The following RSPRY1 variants were observed in gnomAD, a reference collection of about 807,000 sequenced individuals.
The protein encoded by RSPRY1 is RING finger and SPRY domain-containing protein 1.
A neutral mutation model predicts 73.1 loss-of-function variants in RSPRY1; 23 were observed. The observed-to-expected ratio is 0.31, with a 90% CI of 0.23 to 0.45. RSPRY1 has a LOEUF of 0.45. Ranked by LOEUF, RSPRY1 falls within the 20% of genes least tolerant of loss-of-function variation. The pLI is 1.00. For missense variants in RSPRY1, 448 were observed against 698.7 expected, an observed-to-expected ratio of 0.64 and a Z score of 4.05; for synonymous variants, 226 against 251.4, an observed-to-expected ratio of 0.90 and a Z score of 0.95.
At chr16:57,197,809 G>A (rs1302536136) in intron 1 of RSPRY1, among the ~76,000 whole-genome samples, 1 of 151,968 alleles carries the variant, frequency 6.6e-6, no homozygotes, top group Non-Finnish European at 1.5e-5. Context: ...CTGCAGCCTC[G>A]ACCTCCCAGG....
Position 57,209,200 on chromosome 16 carries a change from T to A in RSPRY1, c.516+13T>A, listed in dbSNP as rs1234061849. The A allele has an allele frequency of 6.7e-7, 1 of 1,481,848 alleles. No homozygotes were observed. The highest frequency in any genetic ancestry group is 1.4e-5 in the African/African-American group (1 of 72,010). 91.8% of individuals were successfully genotyped at this position (1,481,848 alleles called of 1,614,324 possible). A position where few individuals can be genotyped will look rare whatever the true frequency, so the allele number is the denominator to read the frequency against. ...ATTGCCCACTAAAGTAAGTTAATACTTATCTTTTATGAAACTATCATTTGT... is the reference window on the plus strand; with the variant it reads ...ATTGCCCACTAAAGTAAGTTAATACATATCTTTTATGAAACTATCATTTGT... On this transcript the variant is annotated intron_variant, in intron 4 of 14. Coordinates refer to ENST00000394420, the MANE Select transcript of RSPRY1 (RefSeq NM_133368.3).
At chr16:57,231,455 T>C (rs1597928799) in intron 13 of RSPRY1, 136 bp downstream of exon 13, 1 of 835,262 alleles carries the variant, frequency 1.2e-6, no homozygotes, top group East Asian at 2.7e-5. Context: ...TTTCAGGAAA[T>C]ATAAATTTCT....
rs1378311688 is a variant in RSPRY1 at position 57,216,158 on chromosome 16, A to G, written c.754A>G (p.Lys252Glu). 1 of 1,612,246 alleles carries G rather than the reference A, an allele frequency of 6.2e-7. No homozygotes were observed. Among genetic ancestry groups the G allele is most frequent in the African/African-American group, 1.3e-5 (1 of 74,808 alleles). The change falls in exon 7 of 15, where the codon AAG (lysine) becomes GAG (glutamate). Residue 252 changes from lysine (K) to glutamate (E), a missense_variant. By Grantham distance (56) the Lys-to-Glu change is moderately conservative (BLOSUM62 1). Coordinates refer to ENST00000394420, the MANE Select transcript of RSPRY1 (RefSeq NM_133368.3). ...GCTTTTTGCACTTATCGCACTGGAA[A>G]AGTTTGCACAGACAAGTAGGTATAG... ...VMLFALIALE[K>E]FAQTSENKLT... is the part of the protein sequence containing the mutation.
intron 1 of RSPRY1, among the ~76,000 whole-genome samples, chr16:57,195,866 C>A (rs1284458892): frequency 1.3e-5 from 2 of 151,108 alleles, no homozygotes; most frequent in African/African-American, 4.9e-5. Context: ...ACTAAAAATA[C>A]AAAAAATTAG....
intron 1 of RSPRY1, among the ~76,000 whole-genome samples, chr16:57,187,855 A>G (rs1348687542): frequency 2.0e-5 from 3 of 152,126 alleles, no homozygotes; most frequent in African/African-American, 7.2e-5. Context: ...CAGAGTTTTC[A>G]TTTACTTTGA....
chr16:57,200,869 C>A, intron 1 of RSPRY1, among the ~76,000 whole-genome samples: 1 of 135,558 alleles, frequency 7.4e-6, no homozygotes, highest in Admixed American at 7.5e-5. Context: ...GGCGGCTGGC[C>A]GGGCAGAGGG....
intron 8 of RSPRY1, 68 bp downstream of exon 8, chr16:57,217,103 A>T: frequency 6.4e-7 from 1 of 1,569,862 alleles, no homozygotes; most frequent in South Asian, 1.1e-5. Context: ...TCATAGGCTC[A>T]CTGGTCTTCC....
Position 57,230,719 on chromosome 16 carries a change from G to T in RSPRY1, c.1282G>T (p.Val428Leu), listed in dbSNP as rs199611065. 8.7e-5 allele frequency: 137 copies of T among 1,576,156 alleles called. No individual in the cohort carries two copies. Among genetic ancestry groups the T allele is most frequent in the Non-Finnish European group, 8.7e-6 (10 of 1,147,120 alleles). ...IHPCWKEGDT[V>L]GFLLDLNEKQ... ...TTCTCTTTATCCTCTAGGAGATACA[G>T]TAGGATTTCTGTTAGACTTGAATGA... Residue 428 changes from valine (V) to leucine (L), a missense_variant, in exon 12 of 15, where the codon GTA becomes TTA. Val to Leu is a conservative substitution (Grantham distance 32). Coordinates refer to ENST00000394420, the MANE Select transcript of RSPRY1 (RefSeq NM_133368.3).
rs117199678 is a variant in RSPRY1 at position 57,240,004 on chromosome 16, C to T, written c.*1029C>T. 1.7e-4 allele frequency: 26 copies of T among 152,290 alleles called. No homozygotes were observed. In the East Asian group the frequency reaches 4.2e-3, roughly 25 times the overall value. The allele number at this position is 152,290 out of a possible 1,614,324, so 9.4% of individuals were successfully genotyped here. ...GTCTTCATCAAAAGTGTTAATCCCT[C>T]TCAGGGTCTCTGGTGAAGACCTTCA... On this transcript the variant is annotated 3_prime_UTR_variant, in exon 15 of 15. Transcript: ENST00000394420.
At position 57,239,016 on chromosome 16, in the gene RSPRY1, C is replaced by A; in HGVS notation, c.*41C>A. ...ATCGTGGACTTTTTTCTACTCAATT[C>A]CAGCCAATGTTGAAAAGAAAAAGAA... is the stretch of plus-strand genomic sequence containing the variant. On this transcript the variant is annotated 3_prime_UTR_variant, in exon 15 of 15. Transcript: ENST00000394420. The A allele has an allele frequency of 1.8e-6, 2 of 1,096,562 alleles. No homozygotes were observed. The highest frequency in any genetic ancestry group is 1.4e-5 in the South Asian group (1 of 71,662). The allele number at this position is 1,096,562 out of a possible 1,614,324, so 67.9% of individuals were successfully genotyped here.
At chr16:57,233,524 C>T (rs1181985125) in intron 13 of RSPRY1, among the ~76,000 whole-genome samples, 9 of 152,090 alleles carry the variant, frequency 5.9e-5, no homozygotes, top group Admixed American at 2.6e-4. Context: ...GGCATGCCAA[C>T]ACACCCAGCT....
chr16:57,219,375 T>A (rs1448623938), intron 8 of RSPRY1, among the ~76,000 whole-genome samples: 1 of 152,214 alleles, frequency 6.6e-6, no homozygotes, highest in Admixed American at 6.5e-5. Flanking sequence ...AGATGATAGC[T>A]CATTGTAGTT....
chr16:57,196,034 A>ATATATAT (rs36083992), intron 1 of RSPRY1, among the ~76,000 whole-genome samples: 21 of 122,794 alleles, frequency 1.7e-4, no homozygotes, highest in Non-Finnish European at 2.5e-4. Context: ...AAAAAAAAAA[A>ATATATAT]ATATATATAT....
intron 10 of RSPRY1, among the ~76,000 whole-genome samples, chr16:57,224,829 G>A (rs1316473471): frequency 6.6e-6 from 1 of 152,230 alleles, no homozygotes; most frequent in Non-Finnish European, 1.5e-5. Context: ...TAAAGAATGT[G>A]TAATGAGTCT....
intron 11 of RSPRY1, among the ~76,000 whole-genome samples, chr16:57,229,572 T>C (rs1229465994): frequency 1.3e-5 from 2 of 151,850 alleles, no homozygotes; most frequent in African/African-American, 4.8e-5. Context: ...TGAGCTAGGA[T>C]TGTACCACTG....
chr16:57,221,786 G>A (rs554720762), intron 10 of RSPRY1, among the ~76,000 whole-genome samples: 70 of 152,060 alleles, frequency 4.6e-4, no homozygotes, highest in Non-Finnish European at 8.4e-4. Flanking sequence ...AGCTTTGTAG[G>A]GATTCTTTTC....
intron 9 of RSPRY1, 76 bp from the exon 10 acceptor site, chr16:57,221,196 A>G (rs1567508042): frequency 3.2e-6 from 5 of 1,540,784 alleles, no homozygotes; most frequent in Non-Finnish European, 4.4e-6. Context: ...AATACACTCA[A>G]CCTTCCCAGT....
intron 4 of RSPRY1, among the ~76,000 whole-genome samples, chr16:57,212,659 G>A (rs1289202578): frequency 1.3e-5 from 2 of 152,072 alleles, no homozygotes; most frequent in African/African-American, 2.4e-5. Context: ...CTGTCGTCCA[G>A]GCTGGAGTGC....
At chr16:57,237,033 T>TG (rs1239087276) in intron 14 of RSPRY1, among the ~76,000 whole-genome samples, 1 of 152,026 alleles carries the variant, frequency 6.6e-6, no homozygotes, top group Non-Finnish European at 1.5e-5. Context: ...CCGGGCGTGG[T>TG]GGTGGGCGCC....
Sources: allele counts gnomAD v4.1 joint callset (sites outside exome capture counted in the v4.1 genomes callset), GRCh38; gene constraint gnomAD v4.1.1; transcripts MANE v1.5; gene names NCBI Gene and HGNC (gene_info 2026-07-23, HGNC 2026-07-21).